Variants in PCNT observed in about 807,000 individuals in gnomAD.
PCNT encodes the protein kendrin.
A neutral mutation model predicts 380.4 loss-of-function variants in PCNT; 319 were observed. That is an observed-to-expected ratio of 0.84 (90% CI 0.77 to 0.92). The LOEUF (loss-of-function observed/expected upper bound fraction) is 0.92. Among genes scored for constraint, PCNT ranks in the 40% least tolerant of loss-of-function variants. The probability of loss-of-function intolerance (pLI) is 0.00; values close to 1 mark genes in which losing one functional copy is unlikely to be tolerated. For synonymous variants in PCNT, 1,845 were observed against 1,735.2 expected (o/e 1.06, Z -1.57); for missense variants, 4,400 against 4,255.3 (o/e 1.03, Z -0.95).
chr21:46,397,089 G>A (rs1407308703), intron 21 of PCNT, among the ~76,000 whole-genome samples, 176 bp from the exon 22 acceptor site: 1 of 152,154 alleles, frequency 6.6e-6, no homozygotes, highest in Non-Finnish European at 1.5e-5. Context: ...ATTCTTCTCA[G>A]GCTTCAGAAA....
At chr21:46,387,262 T>C (rs1191500665) in intron 17 of PCNT, among the ~76,000 whole-genome samples, 1 of 152,000 alleles carries the variant, frequency 6.6e-6, no homozygotes, top group African/African-American at 2.4e-5. Context: ...TTTCATCAAG[T>C]TTTGTGATTT....
chr21:46,347,690 A>G (rs925434408), intron 6 of PCNT, among the ~76,000 whole-genome samples, 178 bp downstream of exon 6: 2 of 152,228 alleles, frequency 1.3e-5, no homozygotes, highest in African/African-American at 4.8e-5. Context: ...TGTATTTGTC[A>G]GAAAACTTGT....
intron 39 of PCNT, among the ~76,000 whole-genome samples, chr21:46,436,744 C>T (rs961637817): frequency 4.4e-4 from 67 of 152,164 alleles, no homozygotes; most frequent in African/African-American, 1.6e-3. Flanking sequence ...GGTGGCTTCC[C>T]GTGCTCGGTG....
intron 24 of PCNT, among the ~76,000 whole-genome samples, chr21:46,398,644 G>A (rs1246965916): frequency 6.6e-6 from 1 of 152,180 alleles, no homozygotes; most frequent in East Asian, 1.9e-4. Flanking sequence ...CCACTCATCT[G>A]TCGTCTATTT....
At position 46,425,687 on chromosome 21, in the gene PCNT, G is replaced by T; in HGVS notation, c.7180-144G>T. 8.8e-7 allele frequency: 1 copy of T among 1,141,794 alleles called. No homozygotes were observed. The highest frequency in any genetic ancestry group is 1.3e-6 in the Non-Finnish European group (1 of 769,094). 70.7% of individuals were successfully genotyped at this position (1,141,794 alleles called of 1,614,324 possible). A position where few individuals can be genotyped will look rare whatever the true frequency, so the allele number is the denominator to read the frequency against. On this transcript the variant is annotated intron_variant, in intron 32 of 46. Coordinates refer to ENST00000359568, the MANE Select transcript of PCNT (RefSeq NM_006031.6). The surrounding 1 kb of genome is among the most constrained non-coding windows in gnomAD (Gnocchi z 4.2). Reference sequence around the variant, plus strand: ...GTAGCTTGAGAAGTGGGTGCCGCCTGTACGAAGCCGAGGCGGTGCCCTCCC... The same window carrying T: ...GTAGCTTGAGAAGTGGGTGCCGCCTTTACGAAGCCGAGGCGGTGCCCTCCC...
chr21:46,416,209 G>C lies in PCNT; in HGVS notation c.6291G>C (p.Leu2097=). ...QNVDAADTKS[L]WPMASAHLLE... is the part of the protein sequence containing the mutation. ...TGGATGCTGCCGACACCAAATCTCTGTGGCCCATGGCCTCAGCACACCTGT... is the reference window on the plus strand; with the variant it reads ...TGGATGCTGCCGACACCAAATCTCTCTGGCCCATGGCCTCAGCACACCTGT... The change falls in exon 30 of 47, where the codon CTG becomes CTC. Residue 2097 remains leucine, a synonymous_variant. Transcript: ENST00000359568. The C allele has an allele frequency of 1.2e-6, 2 of 1,614,198 alleles. No individual in the cohort carries two copies. Among genetic ancestry groups the C allele is most frequent in the Non-Finnish European group, 1.7e-6 (2 of 1,180,036 alleles).
intron 14 of PCNT, 95 bp from the exon 15 acceptor site, chr21:46,366,489 A>T: frequency 1.0e-6 from 1 of 978,412 alleles, no homozygotes; most frequent in Non-Finnish European, 1.7e-6. Flanking sequence ...GAACAGTTGA[A>T]GTGGCATTTC....
In PCNT at chr21:46,349,710, C is replaced by G. The variant is rs1441683410; in HGVS notation, c.1234C>G (p.His412Asp). Reference sequence around the variant, plus strand: ...GGCCCTTAGGAACCTGGAGAGTCATCATCAAGCAGCCATTGAGAAGTTACG... The same window carrying G: ...GGCCCTTAGGAACCTGGAGAGTCATGATCAAGCAGCCATTGAGAAGTTACG... ...ERALRNLESH[H>D]QAAIEKLRED... is the part of the protein sequence containing the mutation. The change falls in exon 8 of 47, where the codon CAT becomes GAT. Residue 412 changes from histidine (H) to aspartate (D), a missense_variant. His to Asp is a moderately conservative substitution (Grantham distance 81). Coordinates refer to ENST00000359568, the MANE Select transcript of PCNT (RefSeq NM_006031.6). 3 of 1,613,904 alleles carry G rather than the reference C, an allele frequency of 1.9e-6. No homozygotes were observed. The highest frequency in any genetic ancestry group is 2.5e-6 in the Non-Finnish European group (3 of 1,179,904).
chr21:46,408,445 A>C (rs1032739200), intron 27 of PCNT, among the ~76,000 whole-genome samples: 1 of 152,206 alleles, frequency 6.6e-6, no homozygotes, highest in Non-Finnish European at 1.5e-5. Context: ...ATTCATGTGT[A>C]AGTATATATT....
chr21:46,437,009 G>C lies in PCNT; in HGVS notation c.9027G>C (p.Glu3009Asp). The C allele has an allele frequency of 6.2e-7, 1 of 1,614,144 alleles. No homozygotes were observed. Among genetic ancestry groups the C allele is most frequent in the Non-Finnish European group, 8.5e-7 (1 of 1,179,952 alleles). ...RTVNDWTSSN[E>D]KAVMSLLHTL... ...TTAATGATTGGACGTCATCCAATGA[G>C]AAAGCAGTGATGTCTTTACTGCACA... The change falls in exon 40 of 47, where the codon GAG becomes GAC. Residue 3009 changes from glutamate (E) to aspartate (D), a missense_variant. Physicochemically the swap from Glu to Asp is conservative, Grantham distance 45. Transcript: ENST00000359568.
intron 13 of PCNT, among the ~76,000 whole-genome samples, chr21:46,358,932 C>T (rs1429800872): frequency 1.3e-5 from 2 of 152,166 alleles, no homozygotes; most frequent in Non-Finnish European, 2.9e-5. Context: ...TCCCGAGTAG[C>T]TGGGAAGACA....
intron 45 of PCNT, 41 bp from the exon 46 acceptor site, chr21:46,444,647 CTTTTTT>C (rs3058084): frequency 4.0e-5 from 59 of 1,472,138 alleles, no homozygotes; most frequent in East Asian, 7.2e-5. Context: ...AAACTCAACT[CTTTTTT>C]TTTTTTTTTT....
In PCNT at chr21:46,440,219, G is replaced by C. The variant is rs769089391; in HGVS notation, c.9393+17G>C. On this transcript the variant is annotated intron_variant, in intron 42 of 46. Transcript: ENST00000359568. ...AATGTCAAGGTAGGAACGGTGCCAC[G>C]AGTATAGAACTTTGGTGCTTTTTTA... 1.2e-6 allele frequency: 2 copies of C among 1,613,374 alleles called. No homozygotes were observed. Among genetic ancestry groups the C allele is most frequent in the East Asian group, 2.2e-5 (1 of 44,904 alleles).
At chr21:46,356,660 A>T (rs2084490268) in intron 12 of PCNT, among the ~76,000 whole-genome samples, 1 of 152,200 alleles carries the variant, frequency 6.6e-6, no homozygotes, top group South Asian at 2.1e-4. Flanking sequence ...CTCACTCAGG[A>T]ACTCATGGAG....
rs954260173 is a variant in PCNT at position 46,385,223 on chromosome 21, G to A, written c.3313-609G>A. On this transcript the variant is annotated intron_variant, in intron 16 of 46. Coordinates refer to ENST00000359568, the MANE Select transcript of PCNT (RefSeq NM_006031.6). ...TTAAAAAAATTAGCCGTGTGTGGTG[G>A]CACGCACCTGTAGTCCCAGCTTCTC... 2.6e-5 allele frequency among the ~76,000 whole-genome samples: 4 copies of A among 152,152 alleles called. No homozygotes were observed. The South Asian group carries it at 6.2e-4, about 24-fold the overall frequency.
At chr21:46,390,480 C>T (rs760662120) in intron 19 of PCNT, among the ~76,000 whole-genome samples, 190 bp from the exon 20 acceptor site, 3 of 151,578 alleles carry the variant, frequency 2.0e-5, no homozygotes, top group Non-Finnish European at 4.4e-5. Flanking sequence ...GAGGGGTCCT[C>T]ATTGGAGACT....
intron 15 of PCNT, among the ~76,000 whole-genome samples, chr21:46,381,174 CAA>C (rs34108721): frequency 0.12 from 11,098 of 95,946 alleles, 1,652 homozygotes; most frequent in African/African-American, 0.32. Flanking sequence ...AGAGTCCTTC[CAA>C]AAAAAAAAAA....
chr21:46,445,233 A>G, intron 46 of PCNT, 51 bp from the exon 47 acceptor site: 1 of 1,283,742 alleles, frequency 7.8e-7, no homozygotes, highest in Admixed American at 1.7e-5. Context: ...TTTTCAAAAA[A>G]TCTGTGAAGC....
chr21:46,378,832 G>A (rs993935209), intron 15 of PCNT, among the ~76,000 whole-genome samples: 2 of 152,090 alleles, frequency 1.3e-5, no homozygotes, highest in African/African-American at 2.4e-5. Flanking sequence ...TCATTCCCTC[G>A]TCTGCCCTTT....
Sources: gnomAD v4.1 joint callset for allele counts (sites outside exome capture counted in the v4.1 genomes callset) on GRCh38, gnomAD v4.1.1 for gene constraint, Gnocchi (gnomAD v3.1) non-coding constraint, MANE v1.5 for transcripts, NCBI Gene and HGNC (gene_info 2026-07-23, HGNC 2026-07-21) for gene names.